The following GDNF variants were observed in gnomAD, a reference collection of about 807,000 sequenced individuals.
The protein encoded by GDNF is glial cell derived neurotrophic factor.
A neutral mutation model predicts 13.7 loss-of-function variants in GDNF; 5 were observed. That is an observed-to-expected ratio of 0.36 (90% CI 0.19 to 0.77). GDNF has a LOEUF of 0.77. GDNF is among the 30% of genes least tolerant of loss of function. The probability of loss-of-function intolerance (pLI) is 0.51; values close to 1 mark genes in which losing one functional copy is unlikely to be tolerated. For missense variants in GDNF, 246 were observed against 274.3 expected (o/e 0.90, Z 0.73); for synonymous variants, 122 against 112.5 (o/e 1.08, Z -0.53).
At chr5:37,820,954 A>AT (rs5867365) in intron 2 of GDNF, among the ~76,000 whole-genome samples, 48,280 of 151,952 alleles carry the variant, frequency 0.32, 8,281 homozygotes, top group African/African-American at 0.46. Flanking sequence ...GAAACAACAA[A>AT]ATTTTTGCTG....
chr5:37,832,235 A>G (rs1377915470), intron 2 of GDNF, among the ~76,000 whole-genome samples: 1 of 152,228 alleles, frequency 6.6e-6, no homozygotes, highest in Non-Finnish European at 1.5e-5. Flanking sequence ...AATTTATGAT[A>G]CTTTCTATTT....
chr5:37,836,684 TC>T (rs1581593805), intron 1 of GDNF, among the ~76,000 whole-genome samples: 1 of 152,144 alleles, frequency 6.6e-6, no homozygotes, highest in South Asian at 2.1e-4. Context: ...CGGTGCCAGC[TC>T]CCGGGTGCGT....
chr5:37,835,738 G>A (rs1158203045), intron 1 of GDNF: 2 of 1,227,272 alleles, frequency 1.6e-6, no homozygotes, highest in South Asian at 1.3e-5. Flanking sequence ...GAGAGATTCT[G>A]GCCCTAATCC....
chr5:37,835,437 A>C, intron 1 of GDNF: 1 of 1,439,910 alleles, frequency 6.9e-7, no homozygotes, highest in East Asian at 2.5e-5. Context: ...CTAAATAGGT[A>C]TTCTGTTGCG....
intron 1 of GDNF, among the ~76,000 whole-genome samples, chr5:37,836,936 G>A (rs1481909702): frequency 6.6e-6 from 1 of 152,224 alleles, no homozygotes; most frequent in African/African-American, 2.4e-5. Context: ...TCCCCGCGTC[G>A]CCAGAGGAGG....
chr5:37,838,735 G>A lies in GDNF; in HGVS notation c.-27+772C>T, dbSNP rs1396345902. Among the ~76,000 whole-genome samples, 1 of 152,260 alleles carries A rather than the reference G, an allele frequency of 6.6e-6. No homozygotes were observed. Among genetic ancestry groups the A allele is most frequent in the Non-Finnish European group, 1.5e-5 (1 of 68,052 alleles). On this transcript the variant is annotated intron_variant, in intron 1 of 2. Transcript: ENST00000326524. The surrounding 1 kb of genome is among the most constrained non-coding windows in gnomAD (Gnocchi z 4.1). ...GGAATTAGCCTCGAGGTGGTGTAAA[G>A]TAGTGGCAGTGGTGGTGGGGTGTTT...
chr5:37,824,144 G>T, intron 2 of GDNF: 2 of 476,948 alleles, frequency 4.2e-6, no homozygotes, highest in Non-Finnish European at 5.5e-6. Context: ...GCATATGAAA[G>T]CATCCAGATT....
At chr5:37,836,091 A>T (rs1298896534) in intron 1 of GDNF, among the ~76,000 whole-genome samples, 1 of 152,116 alleles carries the variant, frequency 6.6e-6, no homozygotes, top group Non-Finnish European at 1.5e-5. Flanking sequence ...TCTCCAGGGC[A>T]CTAGTGACCT....
intron 2 of GDNF, chr5:37,824,385 T>C (rs1750237234): frequency 6.6e-6 from 1 of 152,228 alleles, no homozygotes; most frequent in Non-Finnish European, 1.5e-5. Flanking sequence ...AAGGCTAGAA[T>C]TGCCCACTGC....
In GDNF at chr5:37,815,924, A is replaced by G. The variant is rs1472545345; in HGVS notation, c.363T>C (p.Thr121=). ...QRGKNRGCVL[T]AIHLNVTDLG... ...AGTCAGTGACATTTAAATGTATTGC[A>G]GTTAAGACACAACCCCGGTTTTTGC... is the stretch of plus-strand genomic sequence containing the variant. Residue 121 remains threonine (T), a synonymous_variant, in exon 3 of 3, where the codon ACT becomes ACC. Transcript: ENST00000326524. This position sits in a 1 kb window ranked among gnomAD's most constrained non-coding sequence, Gnocchi z 5.0. 1.9e-6 allele frequency: 3 copies of G among 1,614,174 alleles called. No individual in the cohort carries two copies. Among genetic ancestry groups the G allele is most frequent in the Admixed American group, 1.7e-5 (1 of 60,020 alleles).
At chr5:37,833,326 T>G (rs1056245286) in intron 2 of GDNF, among the ~76,000 whole-genome samples, 19 of 152,188 alleles carry the variant, frequency 1.2e-4, no homozygotes, top group Non-Finnish European at 2.4e-4. Context: ...ATTAAATTTG[T>G]GATGGAAATA....
At chr5:37,835,654 T>G in intron 1 of GDNF, 1 of 1,550,428 alleles carries the variant, frequency 6.4e-7, no homozygotes, top group Non-Finnish European at 8.7e-7. Flanking sequence ...AGGCAAAGAC[T>G]GCATTTGTCT....
chr5:37,835,858 T>C, intron 1 of GDNF: 1 of 627,752 alleles, frequency 1.6e-6, no homozygotes, highest in Non-Finnish European at 2.9e-6. Flanking sequence ...GCCTAGACCG[T>C]GGTACGGCGC....
At chr5:37,829,723 A>C (rs1285320844) in intron 2 of GDNF, among the ~76,000 whole-genome samples, 1 of 152,248 alleles carries the variant, frequency 6.6e-6, no homozygotes, top group African/African-American at 2.4e-5. Flanking sequence ...CTGTTGAAGA[A>C]GAACCTGTTG....
intron 2 of GDNF, among the ~76,000 whole-genome samples, chr5:37,820,513 C>T (rs1750096298): frequency 6.6e-6 from 1 of 152,160 alleles, no homozygotes; most frequent in African/African-American, 2.4e-5. Context: ...GAATACACGT[C>T]ATAGCAAATT....
chr5:37,824,581 T>C (rs549290327), intron 2 of GDNF: 138 of 152,346 alleles, frequency 9.1e-4, no homozygotes, highest in African/African-American at 3.2e-3. Context: ...AGTTTTGTTA[T>C]CTGCTCCTAT....
chr5:37,835,777 C>T, intron 1 of GDNF: 2 of 837,520 alleles, frequency 2.4e-6, no homozygotes, highest in Middle Eastern at 2.2e-4. Flanking sequence ...TCACTGGCTC[C>T]CCGCGCCCCC....
At position 37,836,658 on chromosome 5, in the gene GDNF, C is replaced by G. The variant is rs7705860; in HGVS notation, c.-26-1836G>C. Among the ~76,000 whole-genome samples the G allele has an allele frequency of 4.5e-3, 687 of 152,304 alleles. 4 individuals carry two copies. The highest frequency in any genetic ancestry group is 0.016 in the African/African-American group (659 of 41,586). On this transcript the variant is annotated intron_variant, in intron 1 of 2. Transcript: ENST00000326524. The stretch of plus-strand genomic sequence containing the variant: ...AGGACCTGGGGAACGCGAGCTTCCC[C>G]CCTCAAGCCCCCCGCCGGTGCCAGC...
intron 2 of GDNF, among the ~76,000 whole-genome samples, chr5:37,818,506 C>G (rs991618465): frequency 1.3e-5 from 2 of 152,162 alleles, no homozygotes; most frequent in African/African-American, 4.8e-5. Context: ...GTCCATGAAA[C>G]CTCTTTCCTT....
Sources: allele counts gnomAD v4.1 joint callset (sites outside exome capture counted in the v4.1 genomes callset), GRCh38; gene constraint gnomAD v4.1.1; non-coding constraint Gnocchi (gnomAD v3.1); transcripts MANE v1.5; gene names NCBI Gene and HGNC (gene_info 2026-07-23, HGNC 2026-07-21).